Variants in GATA4 observed in about 807,000 individuals in gnomAD.
GATA4 encodes GATA binding protein 4.
GATA4 carries 7 observed loss-of-function variants against 37.9 expected under a neutral mutation model. That is an observed-to-expected ratio of 0.18 (90% CI 0.11 to 0.35). GATA4 has a LOEUF of 0.35. GATA4 is among the 10% of genes least tolerant of loss of function. The pLI, the probability that GATA4 is intolerant of heterozygous loss-of-function variation, is 1.00. For missense variants in GATA4, 647 were observed against 653.0 expected, an observed-to-expected ratio of 0.99 and a Z score of 0.10; for synonymous variants, 372 against 292.6, an observed-to-expected ratio of 1.27 and a Z score of -2.77.
intron 1 of GATA4, among the ~76,000 whole-genome samples, chr8:11,682,779 C>A (rs377416476): frequency 6.6e-6 from 1 of 152,194 alleles, no homozygotes; most frequent in Non-Finnish European, 1.5e-5. Flanking sequence ...GTAGTAGTCC[C>A]CGTTTGTGCA....
At chr8:11,746,441 TACA>T (rs1563225652) in intron 2 of GATA4, among the ~76,000 whole-genome samples, 1 of 152,108 alleles carries the variant, frequency 6.6e-6, no homozygotes, top group African/African-American at 2.4e-5. Flanking sequence ...AAGGTGATCT[TACA>T]AGGCCTCTAT....
At position 11,737,664 on chromosome 8, in the gene GATA4, A is replaced by T. The variant is rs182016187; in HGVS notation, c.617-11252A>T. Among the ~76,000 whole-genome samples the T allele has an allele frequency of 8.4e-3, 1,283 of 152,342 alleles. 18 individuals are homozygous for T. Among genetic ancestry groups the T allele is most frequent in the African/African-American group, 0.028 (1,176 of 41,570 alleles). ...TGCTGTGAAAGATGACAGCGGGTCAACAGCTTCAGGAGTGCAGCAAAGCTG... is the reference window on the plus strand; with the variant it reads ...TGCTGTGAAAGATGACAGCGGGTCATCAGCTTCAGGAGTGCAGCAAAGCTG... On this transcript the variant is annotated intron_variant, in intron 2 of 6. Transcript: ENST00000532059.
chr8:11,699,532 T>G (rs1309297231), upstream of GATA4, among the ~76,000 whole-genome samples: 1 of 152,180 alleles, frequency 6.6e-6, no homozygotes, highest in Non-Finnish European at 1.5e-5. Flanking sequence ...GCTGCCATTG[T>G]CTCCAGGTCC....
rs753775704 is a variant in GATA4 at position 11,708,371 on chromosome 8, C to T, written c.59C>T (p.Ala20Val). ...GGGCCGCCCCCCGGTGCCTACGAGG[C>T]GGGCGGCCCCGGCGCCTTCATGCAC... ...NHGPPPGAYE[A>V]GGPGAFMHGA... The change falls in exon 2 of 7, where the codon GCG (alanine) becomes GTG (valine). Residue 20 changes from alanine (A) to valine (V), a missense_variant. This residue lies in a region of GATA4 where 379 missense variants were observed against 334.5 expected (regional missense o/e 1.13). Coordinates refer to ENST00000532059, the MANE Select transcript of GATA4 (RefSeq NM_001308093.3). The surrounding 1 kb of genome is among the most constrained non-coding windows in gnomAD (Gnocchi z 6.7). 3.9e-6 allele frequency: 6 copies of T among 1,557,552 alleles called. No individual in the cohort carries two copies. The highest frequency in any genetic ancestry group is 5.2e-6 in the Non-Finnish European group (6 of 1,159,406).
chr8:11,747,212 A>T (rs1802075536), intron 2 of GATA4, among the ~76,000 whole-genome samples: 3 of 152,264 alleles, frequency 2.0e-5, no homozygotes, highest in Non-Finnish European at 4.4e-5. Flanking sequence ...ACAGCAAATT[A>T]GGATAACATG....
intron 4 of GATA4, among the ~76,000 whole-genome samples, chr8:11,753,707 C>T (rs1157640557): frequency 1.3e-5 from 2 of 152,136 alleles, no homozygotes; most frequent in Non-Finnish European, 2.9e-5. Flanking sequence ...ACCCCATCTA[C>T]CCACAGTTAA....
At chr8:11,717,429 G>C (rs1300262974) in intron 2 of GATA4, among the ~76,000 whole-genome samples, 1 of 152,112 alleles carries the variant, frequency 6.6e-6, no homozygotes, top group Non-Finnish European at 1.5e-5. Flanking sequence ...TTCTCCAAGA[G>C]GTAGATACGA....
upstream of GATA4, chr8:11,700,890 G>A (rs1799652894): frequency 6.6e-6 from 1 of 152,194 alleles, no homozygotes; most frequent in Admixed American, 6.5e-5. Context: ...CCAAGATCAT[G>A]GACCCAGGCG....
upstream of GATA4, among the ~76,000 whole-genome samples, chr8:11,702,636 C>T (rs983092985): frequency 7.3e-5 from 11 of 150,720 alleles, no homozygotes; most frequent in African/African-American, 2.7e-4. This position sits in a 1 kb window ranked among gnomAD's most constrained non-coding sequence, Gnocchi z 4.4. Flanking sequence ...TCCCACGTTT[C>T]GGGTCCGTGG....
At chr8:11,680,738 A>G (rs1409047378) in intron 1 of GATA4, 1 of 985,066 alleles carries the variant, frequency 1.0e-6, no homozygotes, top group Admixed American at 6.2e-5. Flanking sequence ...CTGGGCGGCG[A>G]GGAGAGCCCG....
chr8:11,707,998 T>C lies in GATA4; in HGVS notation c.-315T>C. On this transcript the variant is annotated 5_prime_UTR_variant, in exon 2 of 7. Transcript: ENST00000532059. This position sits in a 1 kb window ranked among gnomAD's most constrained non-coding sequence, Gnocchi z 4.7. Reference sequence around the variant, plus strand: ...CTCCAGGCCTGGACGCTGCCCTCCGTCTTCTGCCCCCAATAGGTGCGCCGG... The same window carrying C: ...CTCCAGGCCTGGACGCTGCCCTCCGCCTTCTGCCCCCAATAGGTGCGCCGG... 3 of 394,646 alleles carry C rather than the reference T, an allele frequency of 7.6e-6. No individual in the cohort carries two copies. Among genetic ancestry groups the C allele is most frequent in the Non-Finnish European group, 9.6e-6 (2 of 207,880 alleles). The allele number at this position is 394,646 out of a possible 1,614,324, so 24.4% of individuals were successfully genotyped here.
At chr8:11,742,217 C>T (rs1443762502) in intron 2 of GATA4, among the ~76,000 whole-genome samples, 1 of 152,158 alleles carries the variant, frequency 6.6e-6, no homozygotes, top group Non-Finnish European at 1.5e-5. Context: ...CCTCCAGTGA[C>T]AGGTGTGGTT....
chr8:11,758,273 G>A lies in GATA4; in HGVS notation c.1150-20G>A, dbSNP rs114345849. ...CAGGAGCGTCTCCATGGGCCTCATCGTGTGCTTTCTGCTTTTCAGACGTTC... is the reference window on the plus strand; with the variant it reads ...CAGGAGCGTCTCCATGGGCCTCATCATGTGCTTTCTGCTTTTCAGACGTTC... On this transcript the variant is annotated intron_variant, in intron 6 of 6. Coordinates refer to ENST00000532059, the MANE Select transcript of GATA4 (RefSeq NM_001308093.3). 1.1e-3 allele frequency: 1,742 copies of A among 1,613,856 alleles called. 23 individuals carry two copies. The African/African-American group carries it at 0.018, about 16-fold the overall frequency.
chr8:11,681,316 C>A (rs1255975930), intron 1 of GATA4: 1 of 985,440 alleles, frequency 1.0e-6, no homozygotes, highest in African/African-American at 1.7e-5. Flanking sequence ...GTCTTCACCA[C>A]TTCTCGACCT....
intron 1 of GATA4, among the ~76,000 whole-genome samples, chr8:11,678,121 C>A (rs1299753760): frequency 2.6e-5 from 4 of 151,734 alleles, no homozygotes; most frequent in African/African-American, 9.7e-5. Context: ...GTGTCATAAC[C>A]AAGGCTCTGA....
At position 11,749,926 on chromosome 8, in the gene GATA4, A is replaced by T. The variant is rs1445319304; in HGVS notation, c.787-185A>T. Among the ~76,000 whole-genome samples the T allele has an allele frequency of 2.6e-5, 4 of 152,208 alleles. No homozygotes were observed. In the East Asian group the frequency reaches 7.7e-4, roughly 29 times the overall value. ...GGCAGCAGAAACCTTGTTCTGATTT[A>T]TTCCTCGCAGTGGCGCAGGTGACAG... On this transcript the variant is annotated intron_variant, in intron 3 of 6. Transcript: ENST00000532059. The surrounding 1 kb of genome is among the most constrained non-coding windows in gnomAD (Gnocchi z 4.6).
Position 11,749,162 on chromosome 8 carries a change from G to C in GATA4, c.786+77G>C. On this transcript the variant is annotated intron_variant, in intron 3 of 6. Coordinates refer to ENST00000532059, the MANE Select transcript of GATA4 (RefSeq NM_001308093.3). This position sits in a 1 kb window ranked among gnomAD's most constrained non-coding sequence, Gnocchi z 4.6. ...CCTTGGTGGGACATCCTCTGGTTTTGAATTTTGGAACTTGAGGGTGTGCAT... is the reference window on the plus strand; with the variant it reads ...CCTTGGTGGGACATCCTCTGGTTTTCAATTTTGGAACTTGAGGGTGTGCAT... The C allele has an allele frequency of 6.8e-7, 1 of 1,480,084 alleles. No individual in the cohort carries two copies. Among genetic ancestry groups the C allele is most frequent in the South Asian group, 1.2e-5 (1 of 85,602 alleles). 91.7% of individuals were successfully genotyped at this position (1,480,084 alleles called of 1,614,324 possible). A position where few individuals can be genotyped will look rare whatever the true frequency, so the allele number is the denominator to read the frequency against.
rs930957507 is a variant in GATA4, at chr8:11,707,856, G to T, written c.-457G>T. The T allele has an allele frequency of 8.1e-6, 2 of 245,714 alleles. No homozygotes were observed. Among genetic ancestry groups the T allele is most frequent in the Non-Finnish European group, 1.6e-5 (2 of 124,542 alleles). The allele number at this position is 245,714 out of a possible 1,614,324, so 15.2% of individuals were successfully genotyped here. On this transcript the variant is annotated splice_region_variant and 5_prime_UTR_variant, in exon 2 of 7. Transcript: ENST00000532059. This position sits in a 1 kb window ranked among gnomAD's most constrained non-coding sequence, Gnocchi z 4.7. ...TCTCTTTCTGTCGTTCCTCTTTTAG[G>T]ACCCCGGCTGCGGCGAGGAGGAAGG...
intron 1 of GATA4, chr8:11,680,817 G>A: frequency 9.1e-6 from 9 of 985,336 alleles, no homozygotes; most frequent in Non-Finnish European, 1.1e-5. Context: ...CCGACGCCTC[G>A]GTCCCCACGC....
Sources: allele counts gnomAD v4.1 joint callset (sites outside exome capture counted in the v4.1 genomes callset), GRCh38; gene constraint gnomAD v4.1.1; regional missense constraint gnomAD v4.1.1; non-coding constraint Gnocchi (gnomAD v3.1); transcripts MANE v1.5; gene names NCBI Gene and HGNC (gene_info 2026-07-23, HGNC 2026-07-21).